Variants in URM1 observed in about 807,000 individuals in gnomAD.
URM1 encodes the protein ubiquitin-related modifier 1.
URM1 carries 11 observed loss-of-function variants against 17.7 expected under a neutral mutation model. The ratio of observed to expected loss-of-function variants is 0.62; its 90% CI spans 0.39 to 1.03. The LOEUF is 1.03. URM1 is among the 50% of genes least tolerant of loss of function. The pLI is 0.00. For missense variants in URM1, 128 were observed against 129.2 expected, an observed-to-expected ratio of 0.99 and a Z score of 0.04; for synonymous variants, 48 against 50.6, an observed-to-expected ratio of 0.95 and a Z score of 0.22.
chr9:128,376,554 C>T (rs1833080980), intron 1 of URM1, among the ~76,000 whole-genome samples: 1 of 151,568 alleles, frequency 6.6e-6, no homozygotes, highest in African/African-American at 2.4e-5. Flanking sequence ...CTCAGCTACT[C>T]TGGAAGCTGA....
chr9:128,389,711 A>G lies in URM1; in HGVS notation c.283A>G (p.Ile95Val), dbSNP rs757642428. The change falls in exon 5 of 5, where the codon ATC becomes GTC. Residue 95 changes from isoleucine to valine, a missense_variant. Coordinates refer to ENST00000372853, the MANE Select transcript of URM1 (RefSeq NM_030914.4). ...QLQDQDSVLF[I>V]STLHGG ...TCAGGACCAGGACAGCGTCCTCTTC[A>G]TCTCCACTCTGCACGGCGGCTGAGG... 6.2e-7 allele frequency: 1 copy of G among 1,613,340 alleles called. No homozygotes were observed. Among genetic ancestry groups the G allele is most frequent in the African/African-American group, 1.3e-5 (1 of 74,882 alleles).
At chr9:128,376,533 G>A (rs1833080712) in intron 1 of URM1, among the ~76,000 whole-genome samples, 1 of 151,952 alleles carries the variant, frequency 6.6e-6, no homozygotes, top group African/African-American at 2.4e-5. Context: ...GTGGTAGCAC[G>A]TGCCTGTAAT....
In URM1 at chr9:128,378,542, C is replaced by CAAAAAAAA. The variant is rs58676800; in HGVS notation, c.106+459_106+466dup. Among the ~76,000 whole-genome samples the CAAAAAAAA allele has an allele frequency of 7.4e-4, 17 of 23,024 alleles. 1 individual carries two copies. Among genetic ancestry groups the CAAAAAAAA allele is most frequent in the African/African-American group, 1.2e-3 (14 of 11,454 alleles). 15.1% of individuals were successfully genotyped at this position (23,024 alleles called of 152,430 possible). On this transcript the variant is annotated intron_variant, in intron 2 of 4. Coordinates refer to ENST00000372853, the MANE Select transcript of URM1 (RefSeq NM_030914.4). ...TGGGCGACAAAGCAAGACTCCATCT[C>CAAAAAAAA]AAAAAAAAAAAAAAAAAAAAAAAAA...
intron 1 of URM1, among the ~76,000 whole-genome samples, chr9:128,372,876 C>A (rs946054703): frequency 5.9e-5 from 9 of 151,732 alleles, no homozygotes; most frequent in Non-Finnish European, 8.8e-5. Context: ...GAATTCGAGA[C>A]CAGCCTTGGC....
chr9:128,385,990 T>C (rs971921945), intron 2 of URM1, among the ~76,000 whole-genome samples: 3 of 152,180 alleles, frequency 2.0e-5, no homozygotes, highest in South Asian at 2.1e-4. Flanking sequence ...GACTCCATGC[T>C]GGTGCCATCG....
Position 128,372,531 on chromosome 9 carries a change from G to T in URM1, c.35+1116G>T, listed in dbSNP as rs990079641. ...TACAAAGATAAATAGAAGTCTGTCC[G>T]TGCCCTACAGCGTTCAGCATTTCTG... On this transcript the variant is annotated intron_variant, in intron 1 of 4. Coordinates refer to ENST00000372853, the MANE Select transcript of URM1 (RefSeq NM_030914.4). Among the ~76,000 whole-genome samples, 3 of 152,276 alleles carry T rather than the reference G, an allele frequency of 2.0e-5. No individual in the cohort carries two copies. The East Asian group carries it at 5.8e-4, about 29-fold the overall frequency.
At position 128,387,694 on chromosome 9, in the gene URM1, G is replaced by C; in HGVS notation, c.107-122G>C. On this transcript the variant is annotated intron_variant, in intron 2 of 4. Transcript: ENST00000372853. The surrounding 1 kb of genome is among the most constrained non-coding windows in gnomAD (Gnocchi z 4.3). ...ATCTACAAGTTCATGGGCTATCACA[G>C]CCTGGTCTAAAAGAAGCCCTCTAAA... The C allele has an allele frequency of 2.0e-6, 3 of 1,503,666 alleles. No homozygotes were observed. In the South Asian group the frequency reaches 3.8e-5, roughly 19 times the overall value. 93.1% of individuals were successfully genotyped at this position (1,503,666 alleles called of 1,614,324 possible). A position where few individuals can be genotyped will look rare whatever the true frequency, so the allele number is the denominator to read the frequency against.
At chr9:128,374,257 G>C (rs1297446317) in intron 1 of URM1, among the ~76,000 whole-genome samples, 1 of 152,156 alleles carries the variant, frequency 6.6e-6, no homozygotes, top group Admixed American at 6.5e-5. Flanking sequence ...GCAGTGACAG[G>C]TCACTCTCTG....
chr9:128,382,770 G>A (rs374539309), intron 2 of URM1, among the ~76,000 whole-genome samples: 10 of 152,252 alleles, frequency 6.6e-5, no homozygotes, highest in African/African-American at 1.9e-4. Flanking sequence ...TATACAATTC[G>A]GTGAAGCAGA....
intron 2 of URM1, among the ~76,000 whole-genome samples, chr9:128,380,615 C>A (rs1343913154): frequency 1.3e-5 from 2 of 150,928 alleles, no homozygotes; most frequent in African/African-American, 2.4e-5. Context: ...TGAAAACCCA[C>A]AAATTTTCTT....
rs1291530385 is a variant in URM1 at position 128,387,240 on chromosome 9, A to G, written c.107-576A>G. On this transcript the variant is annotated intron_variant, in intron 2 of 4. Transcript: ENST00000372853. This position sits in a 1 kb window ranked among gnomAD's most constrained non-coding sequence, Gnocchi z 4.3. ...GTGGTGGCAGGGGAGTGGAGCAGGGATTTGTCAGCATCCCTAGCTGGTGAA... is the reference window on the plus strand; with the variant it reads ...GTGGTGGCAGGGGAGTGGAGCAGGGGTTTGTCAGCATCCCTAGCTGGTGAA... Among the ~76,000 whole-genome samples the G allele has an allele frequency of 6.6e-6, 1 of 152,204 alleles. No individual in the cohort carries two copies. The highest frequency in any genetic ancestry group is 1.5e-5 in the Non-Finnish European group (1 of 68,042).
intron 2 of URM1, among the ~76,000 whole-genome samples, chr9:128,379,974 A>G (rs1833137220): frequency 6.6e-6 from 1 of 152,078 alleles, no homozygotes; most frequent in Non-Finnish European, 1.5e-5. Flanking sequence ...TTAGCCAGGC[A>G]TAGTGGCATG....
intron 1 of URM1, among the ~76,000 whole-genome samples, chr9:128,373,861 A>G (rs982328880): frequency 2.0e-5 from 3 of 152,234 alleles, no homozygotes; most frequent in Admixed American, 6.5e-5. Flanking sequence ...TTTTAGGCAG[A>G]GCTTGCAGCC....
At position 128,389,225 on chromosome 9, in the gene URM1, C is replaced by G. The variant is rs760049450; in HGVS notation, c.189-36C>G. On this transcript the variant is annotated intron_variant, in intron 3 of 4. Transcript: ENST00000372853. Reference sequence around the variant, plus strand: ...TCCTCTGTGCTACTGCCTCCTGCCTCTCACTCCTTGCTACTCACCACCATC... The same window carrying G: ...TCCTCTGTGCTACTGCCTCCTGCCTGTCACTCCTTGCTACTCACCACCATC... 8 of 1,568,924 alleles carry G rather than the reference C, an allele frequency of 5.1e-6. No individual in the cohort carries two copies. In the East Asian group the frequency reaches 1.8e-4, roughly 35 times the overall value.
intron 2 of URM1, among the ~76,000 whole-genome samples, chr9:128,380,330 G>A (rs562913351): frequency 6.6e-6 from 1 of 152,250 alleles, no homozygotes; most frequent in South Asian, 2.1e-4. Flanking sequence ...GAGGCTGGGG[G>A]GGGGACACTT....
At chr9:128,376,533 G>T (rs1833080712) in intron 1 of URM1, among the ~76,000 whole-genome samples, 1 of 152,070 alleles carries the variant, frequency 6.6e-6, no homozygotes, top group East Asian at 1.9e-4. Flanking sequence ...GTGGTAGCAC[G>T]TGCCTGTAAT....
Position 128,387,850 on chromosome 9 carries a change from G to C in URM1, c.141G>C (p.Lys47Asn). The part of the protein sequence containing the change: ...DIRNLLIWIK[K>N]NLLKERPELF... ...GGAACCTGCTCATCTGGATCAAGAA[G>C]AATTTGCTAAAAGAGCGGCCAGAGT... The change falls in exon 3 of 5, where the codon AAG (lysine) becomes AAC (asparagine). Residue 47 changes from lysine (K) to asparagine (N), a missense_variant. Physicochemically the swap from Lys to Asn is moderately conservative, Grantham distance 94. Transcript: ENST00000372853. The surrounding 1 kb of genome is among the most constrained non-coding windows in gnomAD (Gnocchi z 4.3). 6.2e-7 allele frequency: 1 copy of C among 1,614,168 alleles called. No homozygotes were observed. The highest frequency in any genetic ancestry group is 8.5e-7 in the Non-Finnish European group (1 of 1,180,018).
rs2240945 is a variant in URM1 at position 128,390,366 on chromosome 9, C to T, written c.*632C>T. On this transcript the variant is annotated 3_prime_UTR_variant, in exon 5 of 5. Coordinates refer to ENST00000372853, the MANE Select transcript of URM1 (RefSeq NM_030914.4). ...AGCCCTTGACCCTGGCTGGCCTGCCCCGCTCCACAGGCCACCAGATGGGCT... is the reference window on the plus strand; with the variant it reads ...AGCCCTTGACCCTGGCTGGCCTGCCTCGCTCCACAGGCCACCAGATGGGCT... 0.092 allele frequency: 14,078 copies of T among 152,754 alleles called. 733 individuals are homozygous for T. Among genetic ancestry groups the T allele is most frequent in the Middle Eastern group, 0.18 (54 of 300 alleles). The allele number at this position is 152,754 out of a possible 1,614,324, so 9.5% of individuals were successfully genotyped here. A position where few individuals can be genotyped will look rare whatever the true frequency, so the allele number is the denominator to read the frequency against.
chr9:128,381,681 G>A (rs933896101), intron 2 of URM1, among the ~76,000 whole-genome samples: 5 of 152,300 alleles, frequency 3.3e-5, no homozygotes, highest in Middle Eastern at 3.4e-3. Context: ...GCAAGACTCC[G>A]TCTCAAAAAC....
Sources: allele counts gnomAD v4.1 joint callset (sites outside exome capture counted in the v4.1 genomes callset), GRCh38; gene constraint gnomAD v4.1.1; non-coding constraint Gnocchi (gnomAD v3.1); transcripts MANE v1.5; gene names NCBI Gene and HGNC (gene_info 2026-07-23, HGNC 2026-07-21).